The following ZDHHC15 variants were observed in gnomAD, a reference collection of about 807,000 sequenced individuals.
ZDHHC15 encodes palmitoyltransferase ZDHHC15.
Under a neutral mutation model 31.7 loss-of-function variants are expected in ZDHHC15, and 19 were observed. The observed-to-expected ratio is 0.60, with a 90% CI of 0.42 to 0.88. The LOEUF is 0.88. ZDHHC15 is among the 40% of genes least tolerant of loss of function. The pLI is 0.00. For synonymous variants in ZDHHC15, 103 were observed against 90.0 expected, an observed-to-expected ratio of 1.14 and a Z score of -0.82; for missense variants, 209 against 251.2, an observed-to-expected ratio of 0.83 and a Z score of 1.14.
At chrX:75,385,917 TC>T (rs1404502520) in intron 10 of ZDHHC15, among the ~76,000 whole-genome samples, 2 of 112,066 alleles carry the variant, frequency 1.8e-5, no homozygotes, top group African/African-American at 6.5e-5. Context: ...ACTTTATGTA[TC>T]TTATCTCCCC....
At chrX:75,475,006 C>A (rs1046220533) in intron 3 of ZDHHC15, among the ~76,000 whole-genome samples, 12 of 111,061 alleles carry the variant, frequency 1.1e-4, no homozygotes, top group Non-Finnish European at 1.7e-4. Flanking sequence ...TTGCAGTGAG[C>A]CGAGATTGCG....
Position 75,383,733 on chromosome X carries a change from AG to A in ZDHHC15, c.968-4536del, listed in dbSNP as rs201141994. Among the ~76,000 whole-genome samples, 15 of 35,939 alleles carry A rather than the reference AG, an allele frequency of 4.2e-4. 5 individuals are homozygous for A. The highest frequency in any genetic ancestry group is 3.5e-4 in the Non-Finnish European group (5 of 14,284). The allele number at this position is 35,939 out of a possible 115,157, so 31.2% of individuals were successfully genotyped here. Reference sequence around the variant, plus strand: ...CACTACCCCAAATTTAAGAAATGTTAGGTTTTTTTTTTTTTTTTTTTTTGAG... The same window carrying A: ...CACTACCCCAAATTTAAGAAATGTTAGTTTTTTTTTTTTTTTTTTTTTGAG... On this transcript the variant is annotated intron_variant, in intron 10 of 11. Transcript: ENST00000373367.
intron 2 of ZDHHC15, among the ~76,000 whole-genome samples, chrX:75,493,135 T>A (rs1411974885): frequency 9.0e-6 from 1 of 111,480 alleles, no homozygotes; most frequent in East Asian, 2.8e-4. Flanking sequence ...CAAACTACCA[T>A]CAGAGAATAC....
intron 1 of ZDHHC15, among the ~76,000 whole-genome samples, chrX:75,513,179 A>G (rs1254289002): frequency 8.9e-6 from 1 of 111,810 alleles, no homozygotes; most frequent in African/African-American, 3.3e-5. Context: ...TAAAACCATA[A>G]AAACCCTAGA....
At chrX:75,489,086 C>A (rs1051409030) in intron 2 of ZDHHC15, among the ~76,000 whole-genome samples, 4 of 112,034 alleles carry the variant, frequency 3.6e-5, no homozygotes, top group Non-Finnish European at 7.5e-5. Context: ...GTAAACAAAG[C>A]TGCCTGGAAG....
At chrX:75,408,138 C>T (rs926619595) in intron 10 of ZDHHC15, among the ~76,000 whole-genome samples, 1 of 109,724 alleles carries the variant, frequency 9.1e-6, no homozygotes, top group Non-Finnish European at 1.9e-5. Context: ...ATCTGCTGAC[C>T]TTCCCTCCAC....
chrX:75,456,755 C>T (rs1416916255), intron 3 of ZDHHC15, among the ~76,000 whole-genome samples: 1 of 111,011 alleles, frequency 9.0e-6, no homozygotes, highest in East Asian at 2.8e-4. Flanking sequence ...AGCAACGCTG[C>T]TCTATGACAA....
In ZDHHC15 at chrX:75,518,720, G is replaced by C. The variant is rs755307020; in HGVS notation, c.136+4169C>G. Among the ~76,000 whole-genome samples, 3 of 89,781 alleles carry C rather than the reference G, an allele frequency of 3.3e-5. No individual in the cohort carries two copies. In the East Asian group the frequency reaches 1.1e-3, roughly 34 times the overall value. The allele number at this position is 89,781 out of a possible 115,157, so 78.0% of individuals were successfully genotyped here. A position where few individuals can be genotyped will look rare whatever the true frequency, so the allele number is the denominator to read the frequency against. On this transcript the variant is annotated intron_variant, in intron 1 of 11. Coordinates refer to ENST00000373367, the MANE Select transcript of ZDHHC15 (RefSeq NM_144969.3). Reference sequence around the variant, plus strand: ...ACAGCACTATTCAGAAGAGACAAAAGGTAGAAATAGCCCAAATGGCCATTA... The same window carrying C: ...ACAGCACTATTCAGAAGAGACAAAACGTAGAAATAGCCCAAATGGCCATTA...
intron 3 of ZDHHC15, among the ~76,000 whole-genome samples, chrX:75,475,588 T>C (rs1048252411): frequency 8.9e-6 from 1 of 112,218 alleles, no homozygotes; most frequent in Admixed American, 9.4e-5. Flanking sequence ...ATATCTGTCC[T>C]TATGCTAGTA....
intron 2 of ZDHHC15, among the ~76,000 whole-genome samples, chrX:75,490,361 AG>A (rs994651534): frequency 1.8e-5 from 2 of 112,020 alleles, no homozygotes; most frequent in African/African-American, 6.5e-5. Context: ...TTACCCACAA[AG>A]GGGAGCCCAT....
chrX:75,479,015 C>A (rs766607622), intron 2 of ZDHHC15, 30 bp from the exon 3 acceptor site: 3 of 1,004,193 alleles, frequency 3.0e-6, no homozygotes, highest in Non-Finnish European at 4.1e-6. Context: ...AGTGTTTATA[C>A]TATCTTTTTA....
At chrX:75,416,343 C>T in intron 10 of ZDHHC15, among the ~76,000 whole-genome samples, 1 of 111,929 alleles carries the variant, frequency 8.9e-6, no homozygotes, top group Non-Finnish European at 1.9e-5. Context: ...ACTACAAGTT[C>T]CTACTCAAAA....
At chrX:75,413,659 C>T (rs769440163) in intron 10 of ZDHHC15, among the ~76,000 whole-genome samples, 26 of 105,606 alleles carry the variant, frequency 2.5e-4, no homozygotes, top group African/African-American at 7.3e-4. Flanking sequence ...AGCGAGACTC[C>T]GTCTCAAGAA....
At chrX:75,391,044 A>T (rs1262235400) in intron 10 of ZDHHC15, among the ~76,000 whole-genome samples, 1 of 112,004 alleles carries the variant, frequency 8.9e-6, no homozygotes, top group African/African-American at 3.2e-5. Context: ...AAAGGAACCA[A>T]GCAGAAATTC....
chrX:75,370,863 G>C lies in ZDHHC15; in HGVS notation c.*2115C>G, dbSNP rs1292633972. On this transcript the variant is annotated 3_prime_UTR_variant, in exon 12 of 12. Transcript: ENST00000373367. ...GGCCTTTTAAAGACAGTGTAAATCT[G>C]TAAGACATTAAACAATCAGCTTTGC... The C allele has an allele frequency of 8.9e-6, 1 of 111,836 alleles. No homozygotes were observed. The highest frequency in any genetic ancestry group is 1.9e-5 in the Non-Finnish European group (1 of 53,185). The allele number at this position is 111,836 out of a possible 1,213,427, so 9.2% of individuals were successfully genotyped here.
chrX:75,450,956 T>C, intron 3 of ZDHHC15, 34 bp from the exon 4 acceptor site: 7 of 1,182,374 alleles, frequency 5.9e-6, no homozygotes, highest in Non-Finnish European at 6.8e-6. Flanking sequence ...GACTTTATTA[T>C]CTAAAGTTAA....
intron 2 of ZDHHC15, among the ~76,000 whole-genome samples, chrX:75,496,696 A>C (rs1602735989): frequency 1.8e-5 from 2 of 111,904 alleles, no homozygotes; most frequent in African/African-American, 6.5e-5. Context: ...AGTTAACTCC[A>C]AAAGGAACCT....
chrX:75,463,947 A>G (rs2084362461), intron 3 of ZDHHC15, among the ~76,000 whole-genome samples: 1 of 112,085 alleles, frequency 8.9e-6, no homozygotes, highest in South Asian at 3.7e-4. Context: ...ATATACCCAA[A>G]GGATTATAAA....
chrX:75,449,564 TATGC>T (rs2084086060), intron 4 of ZDHHC15, among the ~76,000 whole-genome samples: 1 of 112,020 alleles, frequency 8.9e-6, no homozygotes, highest in Non-Finnish European at 1.9e-5. Flanking sequence ...AATATTTCCA[TATGC>T]ATGAAGACTT....
Sources: allele counts gnomAD v4.1 joint callset (sites outside exome capture counted in the v4.1 genomes callset), GRCh38; gene constraint gnomAD v4.1.1; transcripts MANE v1.5; gene names NCBI Gene and HGNC (gene_info 2026-07-23, HGNC 2026-07-21).